Variants in UNC45B observed in about 807,000 individuals in gnomAD.
The protein encoded by UNC45B is unc-45 myosin chaperone B, also known as protein unc-45 homolog B.
In UNC45B, 78 loss-of-function variants were observed where a neutral mutation model predicts 98.7. The ratio of observed to expected loss-of-function variants is 0.79; its 90% CI spans 0.66 to 0.95. UNC45B has a LOEUF of 0.95. UNC45B is among the 40% of genes least tolerant of loss of function. UNC45B has a pLI of 0.00. For missense variants in UNC45B, 1,225 were observed against 1,184.9 expected (o/e 1.03, Z -0.50); for synonymous variants, 462 against 480.4 (o/e 0.96, Z 0.50).
chr17:35,154,625 A>C lies in UNC45B; in HGVS notation c.523A>C (p.Ile175Leu), dbSNP rs1290866447. The change falls in exon 6 of 20, where the codon ATC becomes CTC. Residue 175 changes from isoleucine (I) to leucine (L), a missense_variant. Physicochemically the swap from Ile to Leu is conservative, Grantham distance 5. Coordinates refer to ENST00000394570, the MANE Select transcript of UNC45B (RefSeq NM_001267052.2). Reference protein sequence around the residue: ...LGREEAGAEKIFQNNGVALLL... With the variant: ...LGREEAGAEKLFQNNGVALLL... The stretch of plus-strand genomic sequence containing the variant: ...CCGTGAGGAAGCAGGGGCTGAGAAG[A>C]TCTTCCAGAACAATGGAGTAGCCTT... 6.2e-7 allele frequency: 1 copy of C among 1,613,510 alleles called. No individual in the cohort carries two copies.
rs1391615023 is a variant in UNC45B, at chr17:35,148,224, G to A, written c.1-40G>A. 4 of 1,610,866 alleles carry A rather than the reference G, an allele frequency of 2.5e-6. No individual in the cohort carries two copies. The African/African-American group carries it at 4.0e-5, about 16-fold the overall frequency. The stretch of plus-strand genomic sequence containing the variant: ...CCAGGAGCCCAGCCCTGGGTCTGCA[G>A]TGAGGGGCTGACCAGACAGAGCTTC... On this transcript the variant is annotated intron_variant, in intron 1 of 19. Transcript: ENST00000394570.
Position 35,177,074 on chromosome 17 carries a change from G to A in UNC45B, c.2083G>A (p.Ala695Thr), listed in dbSNP as rs747609294. ...TDVGKVKAAH[A>T]LAKIAAVSNP... ...TGTGGGCAAGGTGAAGGCAGCCCAC[G>A]CTCTAGCAAAGATCGCTGCTGTCTC... Residue 695 changes from alanine (A) to threonine (T), a missense_variant, in exon 16 of 20, where the codon GCT (alanine) becomes ACT (threonine). Ala to Thr is a moderately conservative substitution (Grantham distance 58). Transcript: ENST00000394570. 30 of 1,614,092 alleles carry A rather than the reference G, an allele frequency of 1.9e-5. No individual in the cohort carries two copies. Among genetic ancestry groups the A allele is most frequent in the African/African-American group, 5.3e-5 (4 of 74,922 alleles).
chr17:35,154,455 T>C, intron 5 of UNC45B, 119 bp from the exon 6 acceptor site: 6 of 936,768 alleles, frequency 6.4e-6, no homozygotes, highest in Non-Finnish European at 9.4e-6. Context: ...CAAGGTGAGA[T>C]AATAGAACAA....
At chr17:35,170,839 GA>G (rs1336035764) in intron 12 of UNC45B, among the ~76,000 whole-genome samples, 1 of 151,978 alleles carries the variant, frequency 6.6e-6, no homozygotes, top group Non-Finnish European at 1.5e-5. Flanking sequence ...CTTGCCTCAA[GA>G]AAATAAATAA....
At chr17:35,155,049 A>G (rs912347282) in intron 6 of UNC45B, among the ~76,000 whole-genome samples, 2 of 152,258 alleles carry the variant, frequency 1.3e-5, no homozygotes, top group Admixed American at 1.3e-4. Context: ...CCACCGTGCA[A>G]GAGCTCAACG....
Position 35,177,106 on chromosome 17 carries a change from G to T in UNC45B, c.2115G>T (p.Pro705=). Residue 705 remains proline, a synonymous_variant, in exon 16 of 20, where the codon CCG becomes CCT. Transcript: ENST00000394570. Reference sequence around the variant, plus strand: ...CAAAGATCGCTGCTGTCTCCAATCCGGACATTGCTTTTCCTGGGGAGCGGG... The same window carrying T: ...CAAAGATCGCTGCTGTCTCCAATCCTGACATTGCTTTTCCTGGGGAGCGGG... ...ALAKIAAVSN[P]DIAFPGERVY... 6.2e-7 allele frequency: 1 copy of T among 1,614,144 alleles called. No individual in the cohort carries two copies. The highest frequency in any genetic ancestry group is 8.5e-7 in the Non-Finnish European group (1 of 1,180,020).
intron 7 of UNC45B, among the ~76,000 whole-genome samples, chr17:35,157,007 C>G (rs184234326): frequency 6.2e-4 from 94 of 152,250 alleles, no homozygotes; most frequent in Middle Eastern, 3.4e-3. Context: ...CATCCAGGTC[C>G]TAGGCATCAA....
chr17:35,172,355 T>C (rs1336740998), intron 13 of UNC45B, among the ~76,000 whole-genome samples: 1 of 152,110 alleles, frequency 6.6e-6, no homozygotes, highest in Non-Finnish European at 1.5e-5. Context: ...GTTCAAGTGA[T>C]TCTCCTGCCT....
In UNC45B at chr17:35,169,901, C is replaced by T. The variant is rs748373473; in HGVS notation, c.1517C>T (p.Ser506Leu). 1.3e-5 allele frequency: 21 copies of T among 1,613,970 alleles called. No individual in the cohort carries two copies. The East Asian group carries it at 1.8e-4, about 14-fold the overall frequency. The change falls in exon 11 of 20, where the codon TCG (serine) becomes TTG (leucine). Residue 506 changes from serine (S) to leucine (L), a missense_variant. Physicochemically the swap from Ser to Leu is moderately radical, Grantham distance 145. Coordinates refer to ENST00000394570, the MANE Select transcript of UNC45B (RefSeq NM_001267052.2). ...GGTCTCAGGCAGTTTGCGGAAGGGT[C>T]GACAGAAAAACTGGCCAAACAGTGT... Reference protein sequence around the residue: ...DYGLRQFAEGSTEKLAKQCRK... With the variant: ...DYGLRQFAEGLTEKLAKQCRK...
Position 35,186,410 on chromosome 17 carries a change from G to A in UNC45B, c.2641G>A (p.Ala881Thr), listed in dbSNP as rs144969600. Residue 881 changes from alanine to threonine, a missense_variant, in exon 20 of 20, where the codon GCC (alanine) becomes ACC (threonine). Coordinates refer to ENST00000394570, the MANE Select transcript of UNC45B (RefSeq NM_001267052.2). ...CCTACTGGCAGCCGATGCTGAGCTGGCCAAGAAGCTGGTGGAGAGTGAGCT... is the reference window on the plus strand; with the variant it reads ...CCTACTGGCAGCCGATGCTGAGCTGACCAAGAAGCTGGTGGAGAGTGAGCT... ...YNLLAADAEL[A>T]KKLVESELLE... 3.0e-4 allele frequency: 491 copies of A among 1,614,216 alleles called. No individual in the cohort carries two copies. The African/African-American group carries it at 5.7e-3, about 19-fold the overall frequency.
At chr17:35,179,466 G>C (rs2092259000) in intron 17 of UNC45B, among the ~76,000 whole-genome samples, 2 of 152,132 alleles carry the variant, frequency 1.3e-5, no homozygotes, top group African/African-American at 4.8e-5. Flanking sequence ...GTTTATTGTG[G>C]CACTATTCAC....
chr17:35,174,408 G>C, intron 14 of UNC45B, 39 bp downstream of exon 14: 1 of 1,613,112 alleles, frequency 6.2e-7, no homozygotes, highest in East Asian at 2.2e-5. Context: ...ACTAGGGCTG[G>C]GGGCCGAGGG....
chr17:35,180,059 A>G (rs978733757), intron 17 of UNC45B, among the ~76,000 whole-genome samples: 1 of 152,172 alleles, frequency 6.6e-6, no homozygotes, highest in Non-Finnish European at 1.5e-5. Context: ...TTATTGGCTC[A>G]TGTAGATAAA....
intron 4 of UNC45B, among the ~76,000 whole-genome samples, chr17:35,151,675 T>C (rs1036609735): frequency 6.6e-6 from 1 of 152,148 alleles, no homozygotes. Flanking sequence ...CTTCTACACA[T>C]CTGGAGAAGC....
Position 35,186,479 on chromosome 17 carries a change from A to G in UNC45B, c.2710A>G (p.Lys904Glu), listed in dbSNP as rs144633313. The G allele has an allele frequency of 6.2e-7, 1 of 1,613,982 alleles. No individual in the cohort carries two copies. Among genetic ancestry groups the G allele is most frequent in the African/African-American group, 1.3e-5 (1 of 74,924 alleles). ...TVVGKQEPDE[K>E]KAEVVQTARE... ...GGTGGGCAAACAGGAGCCAGATGAG[A>G]AGAAGGCAGAAGTGGTTCAGACAGC... The change falls in exon 20 of 20, where the codon AAG (lysine) becomes GAG (glutamate). Residue 904 changes from lysine to glutamate, a missense_variant. Physicochemically the swap from Lys to Glu is moderately conservative, Grantham distance 56. Coordinates refer to ENST00000394570, the MANE Select transcript of UNC45B (RefSeq NM_001267052.2).
chr17:35,187,165 A>G lies in UNC45B; in HGVS notation c.*606A>G, dbSNP rs2092308812. 6.5e-6 allele frequency: 1 copy of G among 153,002 alleles called. No individual in the cohort carries two copies. Among genetic ancestry groups the G allele is most frequent in the African/African-American group, 2.4e-5 (1 of 41,450 alleles). The allele number at this position is 153,002 out of a possible 1,614,324, so 9.5% of individuals were successfully genotyped here. The stretch of plus-strand genomic sequence containing the variant: ...TGCTTGGGAAAGTCTTCCAAGCAAG[A>G]TGGACATGATGAATACAAATAAGAT... On this transcript the variant is annotated 3_prime_UTR_variant, in exon 20 of 20. Transcript: ENST00000394570.
chr17:35,161,706 A>G (rs2092103546), intron 8 of UNC45B, among the ~76,000 whole-genome samples: 1 of 152,170 alleles, frequency 6.6e-6, no homozygotes, highest in Non-Finnish European at 1.5e-5. Context: ...ATGCTCATGT[A>G]ATAACTGGTG....
chr17:35,184,382 T>C (rs2092291271), intron 19 of UNC45B, among the ~76,000 whole-genome samples: 1 of 152,186 alleles, frequency 6.6e-6, no homozygotes, highest in Non-Finnish European at 1.5e-5. Context: ...GGGCAACTTG[T>C]TAGAACAGTT....
At chr17:35,179,185 G>A (rs1370409369) in intron 17 of UNC45B, among the ~76,000 whole-genome samples, 3 of 152,190 alleles carry the variant, frequency 2.0e-5, no homozygotes, top group Non-Finnish European at 4.4e-5. Context: ...TCCAATCCAT[G>A]AGCATGGAAT....
Sources: gnomAD v4.1 joint callset for allele counts (sites outside exome capture counted in the v4.1 genomes callset) on GRCh38, gnomAD v4.1.1 for gene constraint, MANE v1.5 for transcripts, NCBI Gene and HGNC (gene_info 2026-07-23, HGNC 2026-07-21) for gene names.